GIGYF2: variants seen among roughly 807,000 people sequenced by gnomAD.
GIGYF2 encodes GRB10 interacting GYF protein 2.
In GIGYF2, 25 loss-of-function variants were observed where a neutral mutation model predicts 208.1. The observed-to-expected ratio is 0.12, with a 90% confidence interval of 0.09 to 0.17. The LOEUF is 0.17. GIGYF2 is among the 10% of genes least tolerant of loss of function. GIGYF2 has a pLI of 1.00. For synonymous variants in GIGYF2, 534 were observed against 543.8 expected (o/e 0.98, Z 0.25); for missense variants, 1,302 against 1,579.4 (o/e 0.82, Z 2.98).
intron 1 of GIGYF2, among the ~76,000 whole-genome samples, chr2:232,702,179 C>G (rs1695877613): frequency 6.6e-6 from 1 of 152,144 alleles, no homozygotes; most frequent in Non-Finnish European, 1.5e-5. Context: ...TGGCTCATGC[C>G]TGTAATCCCA....
intron 3 of GIGYF2, among the ~76,000 whole-genome samples, chr2:232,738,090 T>C (rs1049074801): frequency 1.3e-5 from 2 of 151,796 alleles, no homozygotes; most frequent in African/African-American, 2.4e-5. Context: ...CTGATTTTTA[T>C]AATTTTAGTA....
chr2:232,778,307 A>C (rs967563767), intron 8 of GIGYF2, among the ~76,000 whole-genome samples: 2 of 152,220 alleles, frequency 1.3e-5, no homozygotes, highest in African/African-American at 4.8e-5. Context: ...TCCATAGTAT[A>C]CTTGGTTTCA....
chr2:232,806,624 C>G lies in GIGYF2; in HGVS notation c.1773C>G (p.Pro591=), dbSNP rs1271936510. Residue 591 remains proline, a synonymous_variant, in exon 15 of 29, where the codon CCC becomes CCG. Transcript: ENST00000373563. This position sits in a 1 kb window ranked among gnomAD's most constrained non-coding sequence, Gnocchi z 4.0. ...GDIMKMWGRV[P]FSPGPAPPPH... ...TCATGAAAATGTGGGGAAGGGTTCC[C>G]TTTTCTCCAGGTCCAGCTCCCCCTC... 6.2e-7 allele frequency: 1 copy of G among 1,613,218 alleles called. No individual in the cohort carries two copies. Among genetic ancestry groups the G allele is most frequent in the South Asian group, 1.1e-5 (1 of 91,072 alleles).
At chr2:232,810,934 T>G in intron 16 of GIGYF2, 1 of 295,244 alleles carries the variant, frequency 3.4e-6, no homozygotes, top group Non-Finnish European at 6.5e-6. Context: ...TCTTTGGAGT[T>G]TACCAATTTT....
At chr2:232,835,685 C>T (rs558975092) in intron 22 of GIGYF2, among the ~76,000 whole-genome samples, 29 of 152,256 alleles carry the variant, frequency 1.9e-4, no homozygotes, top group Middle Eastern at 3.4e-3. Flanking sequence ...TTCTCCCCTC[C>T]TCCCCCCGAC....
At chr2:232,853,092 T>A (rs1007342001) in intron 28 of GIGYF2, among the ~76,000 whole-genome samples, 5 of 152,250 alleles carry the variant, frequency 3.3e-5, no homozygotes, top group African/African-American at 1.2e-4. Flanking sequence ...CTCTCATAAT[T>A]GCTCATTTTT....
intron 8 of GIGYF2, chr2:232,770,867 T>A (rs1699216108): frequency 6.7e-7 from 1 of 1,486,932 alleles, no homozygotes; most frequent in Non-Finnish European, 9.4e-7. Flanking sequence ...GTTTTGTTTT[T>A]GTTTTTGTTT....
intron 21 of GIGYF2, among the ~76,000 whole-genome samples, chr2:232,827,595 G>T (rs1186463247): frequency 6.6e-6 from 1 of 152,094 alleles, no homozygotes; most frequent in East Asian, 1.9e-4. Context: ...ATTTTATTCT[G>T]CATATTGGTA....
intron 18 of GIGYF2, among the ~76,000 whole-genome samples, chr2:232,812,911 G>C (rs769759646): frequency 6.6e-6 from 1 of 151,924 alleles, no homozygotes; most frequent in Non-Finnish European, 1.5e-5. Context: ...TGAGATGGGA[G>C]GATTACTTGA....
At chr2:232,746,860 C>T (rs975775668) in intron 3 of GIGYF2, among the ~76,000 whole-genome samples, 1 of 152,068 alleles carries the variant, frequency 6.6e-6, no homozygotes, top group African/African-American at 2.4e-5. Context: ...TGGCAAGCTA[C>T]AAAAATAAAA....
chr2:232,768,672 C>G, intron 8 of GIGYF2: 1 of 1,613,244 alleles, frequency 6.2e-7, no homozygotes, highest in Non-Finnish European at 8.5e-7. Flanking sequence ...GACCCGGACA[C>G]TGGTTAGAGG....
At chr2:232,726,970 CT>C (rs919521921) in intron 2 of GIGYF2, among the ~76,000 whole-genome samples, 34 of 151,278 alleles carry the variant, frequency 2.2e-4, no homozygotes, top group Non-Finnish European at 4.0e-4. Context: ...ACACAGCTTG[CT>C]TTTTTTTTGG....
chr2:232,787,103 A>G (rs189722756), intron 8 of GIGYF2, 47 bp from the exon 9 acceptor site: 20 of 1,404,914 alleles, frequency 1.4e-5, no homozygotes, highest in South Asian at 1.2e-4. Context: ...TTCAAAGCCT[A>G]TACTGGCAGA....
chr2:232,762,729 C>A (rs1476537664), intron 8 of GIGYF2, among the ~76,000 whole-genome samples: 1 of 151,968 alleles, frequency 6.6e-6, no homozygotes, highest in Non-Finnish European at 1.5e-5. Flanking sequence ...ATTGGGAATA[C>A]GTAGTTATAT....
At chr2:232,826,577 A>C (rs565589825) in intron 21 of GIGYF2, among the ~76,000 whole-genome samples, 1 of 152,226 alleles carries the variant, frequency 6.6e-6, no homozygotes, top group Non-Finnish European at 1.5e-5. Context: ...AAAAGAAACT[A>C]TCATCAGAGT....
intron 3 of GIGYF2, among the ~76,000 whole-genome samples, chr2:232,747,260 G>A (rs939364382): frequency 6.6e-6 from 1 of 152,096 alleles, no homozygotes; most frequent in African/African-American, 2.4e-5. Flanking sequence ...GACTTATTAA[G>A]TTTTATGAAT....
chr2:232,819,730 C>G (rs1303173754), intron 20 of GIGYF2, 97 bp from the exon 21 acceptor site: 4 of 725,836 alleles, frequency 5.5e-6, no homozygotes, highest in Non-Finnish European at 9.9e-6. Flanking sequence ...AGAGTCTTAG[C>G]AGCAGATAGC....
chr2:232,729,996 C>T (rs922301469), intron 2 of GIGYF2: 3 of 741,992 alleles, frequency 4.0e-6, no homozygotes, highest in Non-Finnish European at 7.4e-6. Flanking sequence ...TCCTGGAAGG[C>T]TGGCCTTTTC....
intron 25 of GIGYF2, 68 bp downstream of exon 25, chr2:232,844,642 T>A (rs1701938781): frequency 1.9e-6 from 2 of 1,036,910 alleles, no homozygotes; most frequent in East Asian, 2.4e-5. Context: ...GGAAGTGGGA[T>A]GTTGGGTGGG....
Sources: gnomAD v4.1 joint callset for allele counts (sites outside exome capture counted in the v4.1 genomes callset) on GRCh38, gnomAD v4.1.1 for gene constraint, Gnocchi (gnomAD v3.1) non-coding constraint, MANE v1.5 for transcripts, NCBI Gene and HGNC (gene_info 2026-07-23, HGNC 2026-07-21) for gene names.